The following CAPN9 variants were observed in gnomAD, a reference collection of about 807,000 sequenced individuals.
CAPN9 encodes calpain 9, also known as calpain-9.
Under a neutral mutation model 92.8 loss-of-function variants are expected in CAPN9, and 81 were observed. The observed-to-expected ratio is 0.87, with a 90% CI of 0.73 to 1.05. The LOEUF (loss-of-function observed/expected upper bound fraction) is 1.05, where lower values mean the gene tolerates loss of function less well. Ranked by LOEUF, CAPN9 falls within the 50% of genes least tolerant of loss-of-function variation. The pLI is 0.00. For synonymous variants in CAPN9, 304 were observed against 328.0 expected (o/e 0.93, Z 0.79); for missense variants, 848 against 866.2 (o/e 0.98, Z 0.26).
intron 11 of CAPN9, among the ~76,000 whole-genome samples, chr1:230,785,469 T>G (rs1667518879): frequency 6.6e-6 from 1 of 152,190 alleles, no homozygotes; most frequent in Non-Finnish European, 1.5e-5. Flanking sequence ...GGCGGATCTC[T>G]CATGGCTTGG....
intron 1 of CAPN9, chr1:230,752,845 A>T (rs1572009004): frequency 4.6e-6 from 1 of 215,474 alleles, no homozygotes; most frequent in Non-Finnish European, 8.0e-6. Flanking sequence ...TTCTGCAGCA[A>T]GCCCAGAATG....
chr1:230,794,756 T>C (rs1253670628), intron 17 of CAPN9, among the ~76,000 whole-genome samples: 1 of 152,068 alleles, frequency 6.6e-6, no homozygotes, highest in Non-Finnish European at 1.5e-5. Context: ...ACCTGAGACA[T>C]AGAACGCGAG....
chr1:230,780,419 T>A, intron 10 of CAPN9, 81 bp from the exon 11 acceptor site: 1 of 1,597,998 alleles, frequency 6.3e-7, no homozygotes, highest in Non-Finnish European at 8.6e-7. Context: ...CACCCGAGAC[T>A]CAACCAAGAG....
intron 1 of CAPN9, among the ~76,000 whole-genome samples, chr1:230,751,605 GAAAGAGAAAGAAAGAAAGAAAGAA>G (rs1245724271): frequency 0.027 from 806 of 29,808 alleles, 9 homozygotes; most frequent in Middle Eastern, 0.071. Context: ...AAGAAAGAAA[GAAAGAGAAAGAAAGAAAGAAAGAA>G]AGAAAGAAAG....
chr1:230,759,649 C>A lies in CAPN9; in HGVS notation c.402+19C>A. 1 of 1,543,194 alleles carries A rather than the reference C, an allele frequency of 6.5e-7. No individual in the cohort carries two copies. Among genetic ancestry groups the A allele is most frequent in the Non-Finnish European group, 8.9e-7 (1 of 1,129,456 alleles). On this transcript the variant is annotated intron_variant, in intron 3 of 19. Transcript: ENST00000271971. Reference sequence around the variant, plus strand: ...TTTCCAGGTAAGAGGGAGCCCTGGGCCAGTGGGTTTACCTCTCTGGGGCCC... The same window carrying A: ...TTTCCAGGTAAGAGGGAGCCCTGGGACAGTGGGTTTACCTCTCTGGGGCCC...
At chr1:230,749,208 C>T (rs182862151) in intron 1 of CAPN9, among the ~76,000 whole-genome samples, 14 of 152,296 alleles carry the variant, frequency 9.2e-5, no homozygotes, top group Admixed American at 8.5e-4. Flanking sequence ...ACCGAAGCCA[C>T]GCTGTGATTG....
chr1:230,792,811 G>A (rs1247960807), intron 16 of CAPN9, 39 bp from the exon 17 acceptor site: 4 of 1,562,338 alleles, frequency 2.6e-6, no homozygotes, highest in Non-Finnish European at 2.6e-6. Context: ...TGCCTTTCAG[G>A]CACGCTCCTT....
At chr1:230,771,732 T>C (rs975997112) in intron 6 of CAPN9, among the ~76,000 whole-genome samples, 2 of 152,256 alleles carry the variant, frequency 1.3e-5, no homozygotes, top group Non-Finnish European at 2.9e-5. Context: ...TAATTTCTTG[T>C]TAATTGCAAT....
Position 230,779,099 on chromosome 1 carries a change from C to A in CAPN9, c.1080C>A (p.Arg360=), listed in dbSNP as rs140902814. ...CGGTCCATCAGGGAAGCTGGGTTCGCGGCTCCACGGCTGGGGGCTGCCGCA... is the reference window on the plus strand; with the variant it reads ...CGGTCCATCAGGGAAGCTGGGTTCGAGGCTCCACGGCTGGGGGCTGCCGCA... The part of the protein sequence containing the change: ...EVTVHQGSWV[R]GSTAGGCRNF... The change falls in exon 9 of 20, where the codon CGC becomes CGA. Residue 360 remains arginine (R), a synonymous_variant. Transcript: ENST00000271971. 7.4e-6 allele frequency: 12 copies of A among 1,612,698 alleles called. No individual in the cohort carries two copies. In the East Asian group the frequency reaches 2.5e-4, roughly 33 times the overall value.
At chr1:230,780,104 GTGTGTGTGTGT>G in intron 9 of CAPN9, 64 bp from the exon 10 acceptor site, 1 of 930,062 alleles carries the variant, frequency 1.1e-6, no homozygotes, top group Non-Finnish European at 1.7e-6. Context: ...GTGTGTGTGT[GTGTGTGTGTGT>G]GTGTGTGGTC....
In CAPN9 at chr1:230,747,412, C is replaced by G; in HGVS notation, c.-85C>G. On this transcript the variant is annotated 5_prime_UTR_variant, in exon 1 of 20. Transcript: ENST00000271971. ...CAGCCCAGTGGCCCTCTGAGCTGTT[C>G]CTTCTTGACCGGCACACACAGCTCG... 1 of 1,220,514 alleles carries G rather than the reference C, an allele frequency of 8.2e-7. No individual in the cohort carries two copies. Among genetic ancestry groups the G allele is most frequent in the Non-Finnish European group, 1.2e-6 (1 of 826,034 alleles). 75.6% of individuals were successfully genotyped at this position (1,220,514 alleles called of 1,614,324 possible).
intron 7 of CAPN9, among the ~76,000 whole-genome samples, chr1:230,773,570 G>T (rs1038018100): frequency 6.6e-6 from 1 of 152,176 alleles, no homozygotes; most frequent in African/African-American, 2.4e-5. Flanking sequence ...AGGGGCAGGC[G>T]CCATCCCGAC....
chr1:230,761,997 TATAA>T (rs778728026), intron 3 of CAPN9, among the ~76,000 whole-genome samples: 4 of 152,226 alleles, frequency 2.6e-5, no homozygotes, highest in Admixed American at 1.3e-4. Flanking sequence ...ACATGCAATG[TATAA>T]ATAAACCACA....
intron 1 of CAPN9, among the ~76,000 whole-genome samples, chr1:230,751,823 C>T (rs1664862505): frequency 7.7e-6 from 1 of 129,626 alleles, no homozygotes; most frequent in South Asian, 2.4e-4. Flanking sequence ...CCTTAGTGCT[C>T]CAGGAAAACC....
chr1:230,762,775 A>G lies in CAPN9; in HGVS notation c.525A>G (p.Lys175=), dbSNP rs755875842. Residue 175 remains lysine, a synonymous_variant, in exon 4 of 20, where the codon AAA becomes AAG. Transcript: ENST00000271971. The part of the protein sequence containing the change: ...HNEFWSALLE[K]AYAKLNGSYE... The stretch of plus-strand genomic sequence containing the variant: ...AGTTCTGGAGCGCCTTGCTGGAAAA[A>G]GCCTACGCCAAGTGAGTGACAGCTT... The G allele has an allele frequency of 6.2e-7, 1 of 1,613,884 alleles. No homozygotes were observed. The highest frequency in any genetic ancestry group is 1.1e-5 in the South Asian group (1 of 91,050).
In CAPN9 at chr1:230,785,861, C is replaced by T. The variant is rs1667546320; in HGVS notation, c.1482-120C>T. ...TGCAAACTCTGTGAAATGTAAACAG[C>T]ACTGAACAATAAGGGATTCAAAGGG... On this transcript the variant is annotated intron_variant, in intron 11 of 19. Transcript: ENST00000271971. The T allele has an allele frequency of 5.4e-6, 5 of 919,926 alleles. No homozygotes were observed. In the East Asian group the frequency reaches 1.2e-4, roughly 22 times the overall value. The allele number at this position is 919,926 out of a possible 1,614,324, so 57.0% of individuals were successfully genotyped here.
At chr1:230,760,141 A>T (rs913979027) in intron 3 of CAPN9, among the ~76,000 whole-genome samples, 11 of 152,114 alleles carry the variant, frequency 7.2e-5, no homozygotes, top group African/African-American at 2.7e-4. Context: ...GCTTGCCCCC[A>T]GGAGATGGTT....
At position 230,747,425 on chromosome 1, in the gene CAPN9, C is replaced by T; in HGVS notation, c.-72C>T. Reference sequence around the variant, plus strand: ...CTCTGAGCTGTTCCTTCTTGACCGGCACACACAGCTCGCTTCTTCACTTTC... The same window carrying T: ...CTCTGAGCTGTTCCTTCTTGACCGGTACACACAGCTCGCTTCTTCACTTTC... On this transcript the variant is annotated 5_prime_UTR_variant, in exon 1 of 20. Coordinates refer to ENST00000271971, the MANE Select transcript of CAPN9 (RefSeq NM_006615.3). 7.5e-7 allele frequency: 1 copy of T among 1,335,036 alleles called. No individual in the cohort carries two copies. Among genetic ancestry groups the T allele is most frequent in the Non-Finnish European group, 1.1e-6 (1 of 928,532 alleles). The allele number at this position is 1,335,036 out of a possible 1,614,324, so 82.7% of individuals were successfully genotyped here. A position where few individuals can be genotyped will look rare whatever the true frequency, so the allele number is the denominator to read the frequency against.
At chr1:230,783,325 G>A (rs1667356858) in intron 11 of CAPN9, among the ~76,000 whole-genome samples, 3 of 152,172 alleles carry the variant, frequency 2.0e-5, no homozygotes, top group African/African-American at 7.2e-5. Context: ...CTTGGTGATG[G>A]CTGATTTAGT....
Sources: allele counts gnomAD v4.1 joint callset (sites outside exome capture counted in the v4.1 genomes callset), GRCh38; gene constraint gnomAD v4.1.1; transcripts MANE v1.5; gene names NCBI Gene and HGNC (gene_info 2026-07-23, HGNC 2026-07-21).